The following PPFIBP1 variants were observed in gnomAD, a reference collection of about 807,000 sequenced individuals.
PPFIBP1 encodes the protein PPFIB scaffold protein 1.
PPFIBP1 carries 112 observed loss-of-function variants against 137.8 expected under a neutral mutation model. The ratio of observed to expected loss-of-function variants is 0.81; its 90% CI spans 0.70 to 0.95. The LOEUF is 0.95. PPFIBP1 is among the 40% of genes least tolerant of loss of function. PPFIBP1 has a pLI of 0.00. For synonymous variants in PPFIBP1, 378 were observed against 417.3 expected (o/e 0.91, Z 1.15); for missense variants, 1,083 against 1,196.6 (o/e 0.91, Z 1.40).
intron 1 of PPFIBP1, among the ~76,000 whole-genome samples, chr12:27,569,909 G>A (rs2049998299): frequency 6.6e-6 from 1 of 152,072 alleles, no homozygotes; most frequent in Non-Finnish European, 1.5e-5. Context: ...TGTTCTCCAT[G>A]GTCTTTAGCA....
chr12:27,657,549 A>G (rs947361519), intron 9 of PPFIBP1, among the ~76,000 whole-genome samples: 1 of 151,576 alleles, frequency 6.6e-6, no homozygotes, highest in Non-Finnish European at 1.5e-5. Context: ...TTTTATGAAC[A>G]TTAGTAACAT....
intron 13 of PPFIBP1, among the ~76,000 whole-genome samples, chr12:27,671,110 C>T (rs2060172728): frequency 6.6e-6 from 1 of 151,506 alleles, no homozygotes; most frequent in Non-Finnish European, 1.5e-5. Context: ...CAAGACCATT[C>T]TGGGCAACAT....
chr12:27,599,037 A>G (rs555797474), intron 2 of PPFIBP1, among the ~76,000 whole-genome samples: 3 of 152,352 alleles, frequency 2.0e-5, no homozygotes, highest in African/African-American at 7.2e-5. Flanking sequence ...CCTAAGATCC[A>G]TTTGACTTGA....
At chr12:27,618,414 A>G (rs1052438703) in intron 2 of PPFIBP1, among the ~76,000 whole-genome samples, 2 of 152,196 alleles carry the variant, frequency 1.3e-5, no homozygotes, top group African/African-American at 4.8e-5. Flanking sequence ...AGAAACATTG[A>G]CAATCTATTC....
chr12:27,614,644 T>C (rs2055547192), intron 2 of PPFIBP1, among the ~76,000 whole-genome samples: 1 of 152,002 alleles, frequency 6.6e-6, no homozygotes, highest in South Asian at 2.1e-4. Context: ...GTCTGCAGAT[T>C]TTTCTACTCA....
At chr12:27,668,812 A>G (rs1262020941) in intron 13 of PPFIBP1, among the ~76,000 whole-genome samples, 1 of 152,040 alleles carries the variant, frequency 6.6e-6, no homozygotes. Flanking sequence ...AGACCGCACT[A>G]CTGTAATCTT....
At chr12:27,636,676 A>G (rs1404507589) in intron 4 of PPFIBP1, 1 of 152,232 alleles carries the variant, frequency 6.6e-6, no homozygotes, top group Non-Finnish European at 1.5e-5. Context: ...ACATCTGAAT[A>G]TAAGTTAGAT....
chr12:27,581,097 A>G (rs1178051255), intron 2 of PPFIBP1, among the ~76,000 whole-genome samples: 1 of 151,774 alleles, frequency 6.6e-6, no homozygotes. Flanking sequence ...GTCTTGTTTT[A>G]TTGCCAAGGC....
At chr12:27,628,040 T>C (rs530263089) in intron 2 of PPFIBP1, among the ~76,000 whole-genome samples, 3 of 152,168 alleles carry the variant, frequency 2.0e-5, no homozygotes, top group Non-Finnish European at 4.4e-5. Context: ...TTCACTCCTT[T>C]GTTGTGGTAG....
At position 27,644,244 on chromosome 12, in the gene PPFIBP1, G is replaced by GTTTTTTTTT. The variant is rs3842650; in HGVS notation, c.271-1801_271-1793dup. 1.2e-3 allele frequency among the ~76,000 whole-genome samples: 145 copies of GTTTTTTTTT among 117,708 alleles called. 4 individuals are homozygous for GTTTTTTTTT. The highest frequency in any genetic ancestry group is 8.3e-3 in the East Asian group (30 of 3,600). The allele number at this position is 117,708 out of a possible 152,430, so 77.2% of individuals were successfully genotyped here. A position where few individuals can be genotyped will look rare whatever the true frequency, so the allele number is the denominator to read the frequency against. On this transcript the variant is annotated intron_variant, in intron 4 of 29. Coordinates refer to ENST00000228425, the MANE Select transcript of PPFIBP1 (RefSeq NM_003622.4). Reference sequence around the variant, plus strand: ...GGCGCACACCACCAAGCTTGGCTAAGTTTTTTTTTTTTTTTTTTTTTTTTT... The same window carrying GTTTTTTTTT: ...GGCGCACACCACCAAGCTTGGCTAAGTTTTTTTTTTTTTTTTTTTTTTTTTTTTTTTTTT...
chr12:27,553,127 A>G (rs1946947720), intron 1 of PPFIBP1, among the ~76,000 whole-genome samples: 1 of 152,204 alleles, frequency 6.6e-6, no homozygotes, highest in Non-Finnish European at 1.5e-5. Context: ...AACTCATTTG[A>G]TAACTGAACT....
In PPFIBP1 at chr12:27,679,553, T is replaced by G; in HGVS notation, c.1680T>G (p.Asp560Glu). The G allele has an allele frequency of 6.2e-7, 1 of 1,613,942 alleles. No homozygotes were observed. Among genetic ancestry groups the G allele is most frequent in the Non-Finnish European group, 8.5e-7 (1 of 1,179,816 alleles). ...CTGGTGCTTCTTCTCGGCCAAAAGA[T>G]TCACAGAGGAACAGTCCCTTCCAGA... ...DLAGASSRPKDSQRNSPFQIP... is the reference protein window; with the variant it reads ...DLAGASSRPKESQRNSPFQIP... The change falls in exon 20 of 30, where the codon GAT becomes GAG. Residue 560 changes from aspartate (D) to glutamate (E), a missense_variant. Asp to Glu is a conservative substitution (Grantham distance 45, BLOSUM62 2). Coordinates refer to ENST00000228425, the MANE Select transcript of PPFIBP1 (RefSeq NM_003622.4).
intron 21 of PPFIBP1, 68 bp downstream of exon 21, chr12:27,680,129 A>G (rs1351950813): frequency 1.3e-6 from 2 of 1,570,364 alleles, no homozygotes; most frequent in African/African-American, 1.4e-5. Flanking sequence ...GTCCTGCAGT[A>G]TTAGTACTGT....
chr12:27,577,036 A>T (rs1230994145), intron 1 of PPFIBP1, among the ~76,000 whole-genome samples: 1 of 152,150 alleles, frequency 6.6e-6, no homozygotes, highest in Non-Finnish European at 1.5e-5. Flanking sequence ...GTGTGTATAT[A>T]TGGGCCATAT....
chr12:27,563,579 G>GACTTTGA (rs1359260839), intron 1 of PPFIBP1, among the ~76,000 whole-genome samples: 7 of 152,080 alleles, frequency 4.6e-5, no homozygotes, highest in African/African-American at 1.7e-4. Context: ...TGCCATTGCC[G>GACTTTGA]ACTTTGAAGG....
At chr12:27,686,888 G>GA (rs1477316819) in intron 24 of PPFIBP1, among the ~76,000 whole-genome samples, 1 of 151,386 alleles carries the variant, frequency 6.6e-6, no homozygotes, top group Non-Finnish European at 1.5e-5. Context: ...AAAAAAAGAT[G>GA]AAAAAAGAAA....
At chr12:27,668,014 T>G (rs545073254) in intron 13 of PPFIBP1, among the ~76,000 whole-genome samples, 40 of 152,076 alleles carry the variant, frequency 2.6e-4, no homozygotes, top group Non-Finnish European at 5.1e-4. Context: ...AGACCCTACC[T>G]CTTGATGAAC....
intron 7 of PPFIBP1, 89 bp from the exon 8 acceptor site, chr12:27,654,633 C>T (rs1360016865): frequency 1.4e-5 from 21 of 1,479,242 alleles, no homozygotes; most frequent in Non-Finnish European, 1.9e-5. Flanking sequence ...GAGCTGGTGA[C>T]TTCTTAAGAT....
intron 26 of PPFIBP1, among the ~76,000 whole-genome samples, chr12:27,688,799 G>T (rs2061345639): frequency 6.6e-6 from 1 of 152,164 alleles, no homozygotes; most frequent in Non-Finnish European, 1.5e-5. Context: ...CTGAAGCCTG[G>T]ATTTCAGGAC....
Sources: gnomAD v4.1 joint callset for allele counts (sites outside exome capture counted in the v4.1 genomes callset) on GRCh38, gnomAD v4.1.1 for gene constraint, MANE v1.5 for transcripts, NCBI Gene and HGNC (gene_info 2026-07-23, HGNC 2026-07-21) for gene names.